Variants in ROR1 observed in about 807,000 individuals in gnomAD.
ROR1 encodes the protein inactive tyrosine-protein kinase transmembrane receptor ROR1.
A neutral mutation model predicts 78.8 loss-of-function variants in ROR1; 19 were observed. That is an observed-to-expected ratio of 0.24 (90% confidence interval 0.17 to 0.35). The LOEUF (loss-of-function observed/expected upper bound fraction) is 0.35. ROR1 is among the 10% of genes least tolerant of loss of function. The pLI is 1.00. For synonymous variants in ROR1, 386 were observed against 433.6 expected (o/e 0.89, Z 1.36); for missense variants, 917 against 1,177.8 (o/e 0.78, Z 3.24).
At chr1:64,041,937 A>G (rs1244392676) in intron 2 of ROR1, among the ~76,000 whole-genome samples, 2 of 152,156 alleles carry the variant, frequency 1.3e-5, no homozygotes, top group Admixed American at 1.3e-4. Context: ...GGAGTGCAAG[A>G]GGAAGGGTTG....
intron 1 of ROR1, among the ~76,000 whole-genome samples, chr1:63,830,059 A>T (rs951672939): frequency 2.0e-5 from 3 of 152,062 alleles, no homozygotes; most frequent in African/African-American, 7.2e-5. Flanking sequence ...TTGAGGCCGT[A>T]GCTCATACTT....
At chr1:63,802,342 C>T (rs899430510) in intron 1 of ROR1, among the ~76,000 whole-genome samples, 1 of 151,918 alleles carries the variant, frequency 6.6e-6, no homozygotes, top group Non-Finnish European at 1.5e-5. Flanking sequence ...AATGGAGAGC[C>T]CTGCCCGATC....
chr1:64,156,606 C>T (rs1557677826), intron 7 of ROR1, among the ~76,000 whole-genome samples: 1 of 149,408 alleles, frequency 6.7e-6, no homozygotes, highest in East Asian at 2.0e-4. Context: ...ACTCAGGGGG[C>T]TGAGGCAGGT....
chr1:63,891,388 T>G (rs1231030239), intron 1 of ROR1, among the ~76,000 whole-genome samples: 1 of 152,138 alleles, frequency 6.6e-6, no homozygotes, highest in Non-Finnish European at 1.5e-5. Flanking sequence ...GAGGACTCCT[T>G]TGTCTGAGGC....
intron 4 of ROR1, among the ~76,000 whole-genome samples, chr1:64,121,223 C>T (rs1368546698): frequency 8.1e-6 from 1 of 123,716 alleles, no homozygotes; most frequent in East Asian, 2.5e-4. Context: ...CCCTGCTTTC[C>T]TCCTTTCCTC....
intron 8 of ROR1, among the ~76,000 whole-genome samples, chr1:64,170,920 C>T (rs1167134224): frequency 6.6e-6 from 1 of 152,174 alleles, no homozygotes; most frequent in East Asian, 1.9e-4. Flanking sequence ...TCTGAGACCA[C>T]CTAAGTCTGG....
intron 4 of ROR1, chr1:64,107,135 A>G (rs914639293): frequency 1.3e-5 from 2 of 152,164 alleles, no homozygotes; most frequent in African/African-American, 4.8e-5. Flanking sequence ...TATGTGTGTT[A>G]TGTACTGGGC....
intron 4 of ROR1, among the ~76,000 whole-genome samples, chr1:64,105,066 AC>A (rs1457802393): frequency 2.0e-5 from 3 of 152,312 alleles, no homozygotes; most frequent in African/African-American, 7.2e-5. Flanking sequence ...GAACTAATTT[AC>A]GTTCCCATTA....
intron 1 of ROR1, among the ~76,000 whole-genome samples, chr1:63,983,236 G>A (rs555423424): frequency 4.6e-5 from 7 of 152,156 alleles, no homozygotes; most frequent in African/African-American, 1.4e-4. Context: ...ATATGGAAAC[G>A]GAAGTCCGGA....
intron 7 of ROR1, among the ~76,000 whole-genome samples, chr1:64,150,274 TG>T (rs1162893215): frequency 6.6e-6 from 1 of 152,226 alleles, no homozygotes; most frequent in Non-Finnish European, 1.5e-5. Context: ...GTGAACCATT[TG>T]GCTCCATTTG....
intron 2 of ROR1, among the ~76,000 whole-genome samples, chr1:64,032,908 T>G (rs1646673120): frequency 6.6e-6 from 1 of 152,106 alleles, no homozygotes; most frequent in African/African-American, 2.4e-5. Context: ...ATGAGGTACC[T>G]AGAGTAGTGA....
chr1:63,781,216 T>G (rs1309291076), intron 1 of ROR1, among the ~76,000 whole-genome samples: 1 of 152,230 alleles, frequency 6.6e-6, no homozygotes, highest in African/African-American at 2.4e-5. Flanking sequence ...AGGAATAAAG[T>G]ATTAACTTTG....
chr1:64,115,298 C>T (rs1161048943), intron 4 of ROR1, among the ~76,000 whole-genome samples: 1 of 151,946 alleles, frequency 6.6e-6, no homozygotes, highest in East Asian at 1.9e-4. Flanking sequence ...TCACTGCAGC[C>T]TTGAACTCCT....
At chr1:64,015,032 G>A (rs1646509665) in intron 2 of ROR1, among the ~76,000 whole-genome samples, 1 of 151,764 alleles carries the variant, frequency 6.6e-6, no homozygotes, top group Admixed American at 6.6e-5. Context: ...GGCTGAGGAG[G>A]CCTCACAATC....
intron 7 of ROR1, among the ~76,000 whole-genome samples, chr1:64,156,563 TG>T (rs1649776947): frequency 1.3e-5 from 2 of 151,908 alleles, no homozygotes; most frequent in South Asian, 4.1e-4. Flanking sequence ...AAAAATTAGC[TG>T]GGCGTGGTGG....
At chr1:64,144,811 C>T (rs1481617303) in intron 7 of ROR1, among the ~76,000 whole-genome samples, 4 of 152,216 alleles carry the variant, frequency 2.6e-5, no homozygotes, top group African/African-American at 4.8e-5. Context: ...AACAGGTAAA[C>T]AATAAATATA....
chr1:63,896,891 T>A (rs778490472), intron 1 of ROR1, among the ~76,000 whole-genome samples: 1 of 152,214 alleles, frequency 6.6e-6, no homozygotes, highest in Non-Finnish European at 1.5e-5. Flanking sequence ...CTATTAATTA[T>A]TAGCTGTTGA....
intron 2 of ROR1, among the ~76,000 whole-genome samples, chr1:64,011,558 C>T (rs923810185): frequency 6.6e-6 from 1 of 152,144 alleles, no homozygotes; most frequent in African/African-American, 2.4e-5. Flanking sequence ...GGAATTTCTA[C>T]CAGACCAGCA....
chr1:63,844,710 T>G (rs778055472), intron 1 of ROR1, among the ~76,000 whole-genome samples: 8 of 151,694 alleles, frequency 5.3e-5, no homozygotes, highest in Non-Finnish European at 5.9e-5. Context: ...GTTTGCTTGT[T>G]GAGTGTGGTG....
Sources: allele counts gnomAD v4.1 joint callset (sites outside exome capture counted in the v4.1 genomes callset), GRCh38; gene constraint gnomAD v4.1.1; transcripts MANE v1.5; gene names NCBI Gene and HGNC (gene_info 2026-07-23, HGNC 2026-07-21).